Variants in XKR4 observed in about 807,000 individuals in gnomAD.
XKR4 encodes the protein XK related 4.
Under a neutral mutation model 53.9 loss-of-function variants are expected in XKR4, and 12 were observed. That is an observed-to-expected ratio of 0.22 (90% CI 0.14 to 0.36). The LOEUF (loss-of-function observed/expected upper bound fraction) is 0.36, where lower values mean the gene tolerates loss of function less well. Ranked by LOEUF, XKR4 falls within the 10% of genes least tolerant of loss-of-function variation. The probability of loss-of-function intolerance (pLI) is 1.00; values close to 1 mark genes in which losing one functional copy is unlikely to be tolerated. For missense variants in XKR4, 799 were observed against 859.5 expected, an observed-to-expected ratio of 0.93 and a Z score of 0.88; for synonymous variants, 354 against 362.4, an observed-to-expected ratio of 0.98 and a Z score of 0.26.
chr8:55,483,265 G>C (rs1363560536), intron 2 of XKR4, among the ~76,000 whole-genome samples: 1 of 152,114 alleles, frequency 6.6e-6, no homozygotes, highest in African/African-American at 2.4e-5. Flanking sequence ...TCTAAACTAA[G>C]AAGATTTAGT....
At chr8:55,486,687 G>A (rs893890189) in intron 2 of XKR4, among the ~76,000 whole-genome samples, 1 of 152,202 alleles carries the variant, frequency 6.6e-6, no homozygotes, top group Non-Finnish European at 1.5e-5. Flanking sequence ...TTTGGATAGT[G>A]GTTGGGGCCT....
chr8:55,194,731 C>A (rs999995433), intron 1 of XKR4, among the ~76,000 whole-genome samples: 1 of 152,146 alleles, frequency 6.6e-6, no homozygotes, highest in Non-Finnish European at 1.5e-5. Context: ...ATTTGGAGCC[C>A]TCTAATAGCC....
At chr8:55,240,129 A>G (rs930162984) in intron 1 of XKR4, among the ~76,000 whole-genome samples, 1 of 152,206 alleles carries the variant, frequency 6.6e-6, no homozygotes, top group Admixed American at 6.5e-5. Context: ...AGTGCCTGAA[A>G]CATAGTTGAT....
chr8:55,257,570 A>G (rs1333864960), intron 1 of XKR4, among the ~76,000 whole-genome samples: 1 of 152,182 alleles, frequency 6.6e-6, no homozygotes, highest in Non-Finnish European at 1.5e-5. Context: ...TGAAAACCCT[A>G]TAGCAGTATG....
At chr8:55,352,757 C>A (rs1376844109) in intron 1 of XKR4, among the ~76,000 whole-genome samples, 1 of 152,062 alleles carries the variant, frequency 6.6e-6, no homozygotes, top group Non-Finnish European at 1.5e-5. Flanking sequence ...GATTTTAAGC[C>A]CAAAGTCATA....
chr8:55,203,012 G>C (rs1296524806), intron 1 of XKR4, among the ~76,000 whole-genome samples: 1 of 152,200 alleles, frequency 6.6e-6, no homozygotes, highest in East Asian at 1.9e-4. Flanking sequence ...CGAGGAGACT[G>C]CTTCACTGAG....
chr8:55,441,396 AT>A (rs1168120587), intron 2 of XKR4, among the ~76,000 whole-genome samples: 1 of 152,224 alleles, frequency 6.6e-6, no homozygotes, highest in Non-Finnish European at 1.5e-5. Context: ...ATTTTCAGAA[AT>A]ATGAGGAGAA....
At chr8:55,110,637 T>C (rs566191923) in intron 1 of XKR4, among the ~76,000 whole-genome samples, 3 of 152,336 alleles carry the variant, frequency 2.0e-5, no homozygotes, top group East Asian at 3.9e-4. Context: ...TGTGAATCGC[T>C]AGTTACACTC....
At chr8:55,387,564 G>A (rs1172447314) in intron 2 of XKR4, among the ~76,000 whole-genome samples, 1 of 152,168 alleles carries the variant, frequency 6.6e-6, no homozygotes, top group Non-Finnish European at 1.5e-5. Flanking sequence ...CCATTAACTG[G>A]GGCTCTGGGT....
intron 2 of XKR4, among the ~76,000 whole-genome samples, chr8:55,521,596 G>GT (rs2129405803): frequency 6.6e-6 from 1 of 152,336 alleles, no homozygotes; most frequent in South Asian, 2.1e-4. Context: ...GAAGGTCCCA[G>GT]TGTAGCATGT....
At chr8:55,191,112 C>CT (rs1277031387) in intron 1 of XKR4, among the ~76,000 whole-genome samples, 1 of 151,980 alleles carries the variant, frequency 6.6e-6, no homozygotes, top group Non-Finnish European at 1.5e-5. Flanking sequence ...GCTTTAGAGC[C>CT]TGGGTGAATA....
At chr8:55,217,734 C>T (rs1253545412) in intron 1 of XKR4, among the ~76,000 whole-genome samples, 1 of 145,296 alleles carries the variant, frequency 6.9e-6, no homozygotes, top group Non-Finnish European at 1.5e-5. Context: ...CATAGGAAGA[C>T]AGATTAGATA....
intron 1 of XKR4, among the ~76,000 whole-genome samples, chr8:55,162,347 T>C (rs12546087): frequency 0.03 from 4,628 of 152,298 alleles, 183 homozygotes; most frequent in East Asian, 0.12. Context: ...TCTTTTAAAA[T>C]AAGTGAGTTA....
intron 1 of XKR4, among the ~76,000 whole-genome samples, chr8:55,341,171 A>G (rs1803540148): frequency 6.6e-6 from 1 of 152,170 alleles, no homozygotes; most frequent in Admixed American, 6.5e-5. Flanking sequence ...TAGTCAGAGA[A>G]TAGGGAAGGG....
chr8:55,252,078 A>G (rs559773109), intron 1 of XKR4, among the ~76,000 whole-genome samples: 2 of 152,338 alleles, frequency 1.3e-5, no homozygotes, highest in African/African-American at 2.4e-5. Context: ...TTGGATTAGA[A>G]TGGATAAAGC....
rs1264677176 is a variant in XKR4 at position 55,504,412 on chromosome 8, A to C, written c.1007-18869A>C. 9.1e-4 allele frequency among the ~76,000 whole-genome samples: 137 copies of C among 150,140 alleles called. 1 individual carries two copies. The highest frequency in any genetic ancestry group is 3.3e-3 in the African/African-American group (135 of 40,796). Reference sequence around the variant, plus strand: ...TTTTTTTTAGTAGAGATGGGGTTTCACCATGTTGGCCAGACTGGTCTCCAA... The same window carrying C: ...TTTTTTTTAGTAGAGATGGGGTTTCCCCATGTTGGCCAGACTGGTCTCCAA... On this transcript the variant is annotated intron_variant, in intron 2 of 2. Transcript: ENST00000327381.
intron 2 of XKR4, chr8:55,452,255 C>A: frequency 3.1e-6 from 2 of 650,186 alleles, no homozygotes; most frequent in Non-Finnish European, 5.6e-6. Context: ...GCCCGTCCTG[C>A]AATAGCTGAT....
At chr8:55,132,565 G>C (rs1307202816) in intron 1 of XKR4, among the ~76,000 whole-genome samples, 3 of 152,102 alleles carry the variant, frequency 2.0e-5, no homozygotes, top group Non-Finnish European at 4.4e-5. Context: ...TGTACCACAG[G>C]TAAGTGAAAC....
chr8:55,503,418 A>C, intron 2 of XKR4, among the ~76,000 whole-genome samples: 1 of 151,992 alleles, frequency 6.6e-6, no homozygotes, highest in East Asian at 1.9e-4. Context: ...TTAATTTATA[A>C]GTATTTTATT....
Sources: gnomAD v4.1 joint callset for allele counts (sites outside exome capture counted in the v4.1 genomes callset) on GRCh38, gnomAD v4.1.1 for gene constraint, MANE v1.5 for transcripts, NCBI Gene and HGNC (gene_info 2026-07-23, HGNC 2026-07-21) for gene names.